The following PAK5 variants were observed in gnomAD, a reference collection of about 807,000 sequenced individuals.
PAK5 encodes p21 (RAC1) activated kinase 5.
A neutral mutation model predicts 65.9 loss-of-function variants in PAK5; 16 were observed. The observed-to-expected ratio is 0.24, with a 90% CI of 0.16 to 0.37. PAK5 has a LOEUF of 0.37. Ranked by LOEUF, PAK5 falls within the 10% of genes least tolerant of loss-of-function variation. The pLI is 1.00. For missense variants in PAK5, 785 were observed against 903.9 expected (o/e 0.87, Z 1.69); for synonymous variants, 371 against 354.9 (o/e 1.05, Z -0.51).
chr20:9,809,535 A>G (rs1178975464), intron 1 of PAK5, among the ~76,000 whole-genome samples: 1 of 152,132 alleles, frequency 6.6e-6, no homozygotes, highest in Admixed American at 6.6e-5. Context: ...TCCTCCCATC[A>G]GGGACTTAAT....
At chr20:9,705,776 A>T (rs1259902076) in intron 2 of PAK5, among the ~76,000 whole-genome samples, 1 of 152,214 alleles carries the variant, frequency 6.6e-6, no homozygotes, top group East Asian at 1.9e-4. Context: ...CAGATAATGG[A>T]AACAACAGAA....
At chr20:9,592,510 C>T (rs1836010362) in intron 3 of PAK5, among the ~76,000 whole-genome samples, 1 of 152,162 alleles carries the variant, frequency 6.6e-6, no homozygotes, top group African/African-American at 2.4e-5. Context: ...AGAATACATA[C>T]ATTTGTAAAA....
At chr20:9,554,782 T>C in intron 7 of PAK5, among the ~76,000 whole-genome samples, 1 of 152,202 alleles carries the variant, frequency 6.6e-6, no homozygotes, top group Non-Finnish European at 1.5e-5. Flanking sequence ...TATGATGCAC[T>C]GTTCTGAACA....
intron 1 of PAK5, among the ~76,000 whole-genome samples, chr20:9,733,653 C>G (rs2048358002): frequency 6.6e-6 from 1 of 152,116 alleles, no homozygotes; most frequent in South Asian, 2.1e-4. Context: ...CCATATTGGC[C>G]AGACTGGTCT....
intron 8 of PAK5, among the ~76,000 whole-genome samples, chr20:9,544,003 C>T (rs900503582): frequency 2.6e-5 from 4 of 152,146 alleles, no homozygotes; most frequent in Admixed American, 2.0e-4. Flanking sequence ...GATCCTCTTT[C>T]CTTTCTCTGA....
chr20:9,780,733 A>G (rs1442594207), intron 1 of PAK5, among the ~76,000 whole-genome samples: 1 of 152,166 alleles, frequency 6.6e-6, no homozygotes, highest in Non-Finnish European at 1.5e-5. Context: ...AACATTGAAT[A>G]GTAGTTTGCT....
At chr20:9,753,532 C>A (rs1026822600) in intron 1 of PAK5, among the ~76,000 whole-genome samples, 2 of 151,848 alleles carry the variant, frequency 1.3e-5, no homozygotes, top group African/African-American at 4.8e-5. Flanking sequence ...TTTCTTAATT[C>A]TTGGGGCCAA....
intron 2 of PAK5, among the ~76,000 whole-genome samples, chr20:9,708,793 T>C (rs1442115172): frequency 2.6e-5 from 4 of 152,148 alleles, no homozygotes; most frequent in African/African-American, 9.7e-5. Flanking sequence ...TGGGAGAAGA[T>C]AGCTAAATAC....
At chr20:9,733,645 A>T (rs1463298076) in intron 1 of PAK5, among the ~76,000 whole-genome samples, 1 of 152,088 alleles carries the variant, frequency 6.6e-6, no homozygotes, top group Admixed American at 6.6e-5. Flanking sequence ...GGGTTTCACC[A>T]TATTGGCCAG....
chr20:9,656,802 G>GCTA (rs2047274400), intron 2 of PAK5, among the ~76,000 whole-genome samples: 1 of 152,100 alleles, frequency 6.6e-6, no homozygotes, highest in Non-Finnish European at 1.5e-5. Context: ...ATAATTGTTA[G>GCTA]CTATTATTAT....
chr20:9,835,917 G>T (rs144351045), intron 1 of PAK5, among the ~76,000 whole-genome samples: 107 of 152,138 alleles, frequency 7.0e-4, no homozygotes, highest in Non-Finnish European at 7.1e-4. Context: ...ATGCATTTTG[G>T]TTTTTTTGCA....
intron 3 of PAK5, among the ~76,000 whole-genome samples, chr20:9,631,464 C>G (rs1024154079): frequency 6.6e-6 from 1 of 152,182 alleles, no homozygotes; most frequent in Admixed American, 6.5e-5. Flanking sequence ...CAAGCTGTCA[C>G]GCATTCTGCA....
At chr20:9,792,939 C>T (rs1300689770) in intron 1 of PAK5, among the ~76,000 whole-genome samples, 2 of 152,114 alleles carry the variant, frequency 1.3e-5, no homozygotes, top group East Asian at 3.9e-4. Flanking sequence ...TGAGATGATG[C>T]TCGTTTAGAG....
At chr20:9,761,783 CAT>C (rs2048703143) in intron 1 of PAK5, among the ~76,000 whole-genome samples, 1 of 152,012 alleles carries the variant, frequency 6.6e-6, no homozygotes, top group Admixed American at 6.6e-5. Flanking sequence ...TCTCTTGTAA[CAT>C]GTTGCATATT....
chr20:9,806,821 T>C (rs2049238601), intron 1 of PAK5, among the ~76,000 whole-genome samples: 1 of 152,204 alleles, frequency 6.6e-6, no homozygotes, highest in African/African-American at 2.4e-5. Context: ...ACTTATGACT[T>C]AAGACAACAT....
At chr20:9,558,422 C>T (rs1030322309) in intron 6 of PAK5, among the ~76,000 whole-genome samples, 1 of 152,136 alleles carries the variant, frequency 6.6e-6, no homozygotes, top group East Asian at 1.9e-4. Context: ...GCTCCATGAA[C>T]TCTTAACAGA....
intron 1 of PAK5, among the ~76,000 whole-genome samples, chr20:9,717,124 T>G (rs2048157308): frequency 6.6e-6 from 1 of 151,978 alleles, no homozygotes; most frequent in Non-Finnish European, 1.5e-5. Flanking sequence ...GCTGAATGTT[T>G]AGTAGACTAT....
chr20:9,766,367 A>ATTC (rs1569079031), intron 1 of PAK5, among the ~76,000 whole-genome samples: 1,023 of 61,938 alleles, frequency 0.017, 148 homozygotes, highest in East Asian at 0.03. Context: ...ATATATATAT[A>ATTC]TATTCAAGCA....
chr20:9,602,258 T>C (rs935122003), intron 3 of PAK5, among the ~76,000 whole-genome samples: 10 of 151,464 alleles, frequency 6.6e-5, no homozygotes, highest in Non-Finnish European at 1.0e-4. Flanking sequence ...ACCACTGCAC[T>C]CCAGCCTGGC....
Sources: allele counts gnomAD v4.1 joint callset (sites outside exome capture counted in the v4.1 genomes callset), GRCh38; gene constraint gnomAD v4.1.1; transcripts MANE v1.5; gene names NCBI Gene and HGNC (gene_info 2026-07-23, HGNC 2026-07-21).